Variants in PDSS2 observed in about 807,000 individuals in gnomAD.
PDSS2 encodes the protein decaprenyl diphosphate synthase subunit 2.
In PDSS2, 31 loss-of-function variants were observed where a neutral mutation model predicts 44.5. The observed-to-expected ratio is 0.70, with a 90% CI of 0.52 to 0.94. PDSS2 has a LOEUF of 0.94. PDSS2 is among the 40% of genes least tolerant of loss of function. The pLI, the probability that PDSS2 is intolerant of heterozygous loss-of-function variation, is 0.00. For synonymous variants in PDSS2, 157 were observed against 180.3 expected (o/e 0.87, Z 1.03); for missense variants, 452 against 482.2 (o/e 0.94, Z 0.59).
At chr6:107,265,467 G>A (rs1306984197) in intron 3 of PDSS2, among the ~76,000 whole-genome samples, 1 of 152,180 alleles carries the variant, frequency 6.6e-6, no homozygotes, top group Non-Finnish European at 1.5e-5. Flanking sequence ...AAAGCAGGCT[G>A]TCACTGTGAA....
intron 7 of PDSS2, among the ~76,000 whole-genome samples, chr6:107,162,301 C>G (rs1771162454): frequency 6.6e-6 from 1 of 151,916 alleles, no homozygotes; most frequent in Non-Finnish European, 1.5e-5. Context: ...GTGAGACCAG[C>G]CTGGCCAACA....
chr6:107,224,249 C>CCT (rs913719928), intron 4 of PDSS2, among the ~76,000 whole-genome samples: 5 of 151,376 alleles, frequency 3.3e-5, no homozygotes, highest in African/African-American at 1.2e-4. Context: ...ATTTCTCTCT[C>CCT]CTCTCCCTGC....
intron 3 of PDSS2, among the ~76,000 whole-genome samples, chr6:107,269,364 GTGTGTGT>G (rs1775520610): frequency 6.6e-6 from 1 of 151,678 alleles, no homozygotes; most frequent in African/African-American, 2.4e-5. Flanking sequence ...GTGTGTGTGT[GTGTGTGT>G]GTGTGCAATT....
intron 1 of PDSS2, among the ~76,000 whole-genome samples, chr6:107,414,088 G>T (rs574162808): frequency 2.0e-4 from 30 of 152,246 alleles, no homozygotes; most frequent in Non-Finnish European, 3.4e-4. Context: ...AATACATTAG[G>T]TTTAGTGATA....
chr6:107,162,804 C>G (rs780122090), intron 7 of PDSS2, among the ~76,000 whole-genome samples: 51 of 151,886 alleles, frequency 3.4e-4, no homozygotes, highest in Non-Finnish European at 6.8e-4. Context: ...GGGGTTTCAC[C>G]AGATTGGCCA....
rs575611956 is a variant in PDSS2, at chr6:107,333,342, A to AT, written c.431+855dup. On this transcript the variant is annotated intron_variant, in intron 2 of 7. Coordinates refer to ENST00000369037, the MANE Select transcript of PDSS2 (RefSeq NM_020381.4). Reference sequence around the variant, plus strand: ...ACTGTTACTAAAAATATATCCAGTGATTTTTTTAAACAAAACTGAAAATTT... The same window carrying AT: ...ACTGTTACTAAAAATATATCCAGTGATTTTTTTTAAACAAAACTGAAAATTT... Among the ~76,000 whole-genome samples the AT allele has an allele frequency of 2.5e-3, 374 of 152,284 alleles. 5 individuals are homozygous for AT. Among genetic ancestry groups the AT allele is most frequent in the African/African-American group, 8.3e-3 (345 of 41,546 alleles).
intron 4 of PDSS2, among the ~76,000 whole-genome samples, chr6:107,234,008 CATAAAA>C (rs1301076679): frequency 1.3e-5 from 2 of 151,768 alleles, no homozygotes; most frequent in African/African-American, 2.4e-5. Context: ...CTCTAAAAAA[CATAAAA>C]ATAAAAATAA....
Position 107,459,247 on chromosome 6 carries a change from A to G in PDSS2, c.39T>C (p.Tyr13=), listed in dbSNP as rs1038886828. The change falls in exon 1 of 8, where the codon TAT becomes TAC. Residue 13 remains tyrosine (Y), a synonymous_variant. Transcript: ENST00000369037. This position sits in a 1 kb window ranked among gnomAD's most constrained non-coding sequence, Gnocchi z 4.3. The part of the protein sequence containing the change: ...FRQLLLHLPR[Y]LGASGSPRRL... Reference sequence around the variant, plus strand: ...GACGCGGGGAACCCGAGGCTCCAAGATAACGTGGCAAGTGCAACAGCAGCT... The same window carrying G: ...GACGCGGGGAACCCGAGGCTCCAAGGTAACGTGGCAAGTGCAACAGCAGCT... 8.7e-6 allele frequency: 14 copies of G among 1,614,074 alleles called. No individual in the cohort carries two copies. The African/African-American group carries it at 1.6e-4, about 18-fold the overall frequency.
At chr6:107,290,902 A>G (rs976272265) in intron 2 of PDSS2, among the ~76,000 whole-genome samples, 3 of 152,118 alleles carry the variant, frequency 2.0e-5, no homozygotes. Context: ...TCTCTCCCCA[A>G]AGTCCCAAAG....
At chr6:107,313,553 G>T (rs4945775) in intron 2 of PDSS2, among the ~76,000 whole-genome samples, 1 of 151,738 alleles carries the variant, frequency 6.6e-6, no homozygotes, top group Non-Finnish European at 1.5e-5. Flanking sequence ...GGATTTCACC[G>T]TGTCGGCCAG....
intron 2 of PDSS2, among the ~76,000 whole-genome samples, chr6:107,306,759 C>T (rs1055759729): frequency 2.6e-5 from 4 of 152,024 alleles, no homozygotes. Context: ...CTATAAGGTA[C>T]AAAACAAAGG....
Position 107,448,228 on chromosome 6 carries a change from AT to A in PDSS2, c.296+10761del, listed in dbSNP as rs1781751460. ...CTTGGCAATTAGCATTTGGCTCCTC[AT>A]TACTTATGCAAATTTGTGCAGCCAG... On this transcript the variant is annotated intron_variant, in intron 1 of 7. Coordinates refer to ENST00000369037, the MANE Select transcript of PDSS2 (RefSeq NM_020381.4). Among the ~76,000 whole-genome samples, 3 of 152,198 alleles carry A rather than the reference AT, an allele frequency of 2.0e-5. No homozygotes were observed. The South Asian group carries it at 6.2e-4, about 32-fold the overall frequency.
chr6:107,325,009 G>T (rs940298552), intron 2 of PDSS2, among the ~76,000 whole-genome samples: 1 of 151,950 alleles, frequency 6.6e-6, no homozygotes, highest in African/African-American at 2.4e-5. Flanking sequence ...TACAATATTT[G>T]CAGCTGAGAC....
chr6:107,202,597 C>T (rs890014246), intron 6 of PDSS2, among the ~76,000 whole-genome samples: 4 of 152,066 alleles, frequency 2.6e-5, no homozygotes, highest in Non-Finnish European at 4.4e-5. Flanking sequence ...AGGAACAGGG[C>T]AGGCCTTTTC....
chr6:107,384,379 G>A lies in PDSS2; in HGVS notation c.297-50047C>T, dbSNP rs973784411. Among the ~76,000 whole-genome samples, 10 of 152,206 alleles carry A rather than the reference G, an allele frequency of 6.6e-5. No individual in the cohort carries two copies. The East Asian group carries it at 1.4e-3, about 21-fold the overall frequency. ...AAACTGGCTGGGCGCGGTGGCTCAC[G>A]CCTGTAATCCCAGCACTTTGGGAGG... On this transcript the variant is annotated intron_variant, in intron 1 of 7. Transcript: ENST00000369037.
intron 3 of PDSS2, among the ~76,000 whole-genome samples, chr6:107,253,414 AGT>A (rs1774894206): frequency 6.6e-6 from 1 of 152,186 alleles, no homozygotes; most frequent in Non-Finnish European, 1.5e-5. Context: ...CTTTTTTTGC[AGT>A]GTTTTTAAAT....
intron 3 of PDSS2, among the ~76,000 whole-genome samples, chr6:107,248,146 T>G (rs1774689827): frequency 6.6e-6 from 1 of 152,208 alleles, no homozygotes; most frequent in Non-Finnish European, 1.5e-5. Context: ...CTGACTTTTT[T>G]TTGCATATTA....
chr6:107,447,320 A>C (rs967379313), intron 1 of PDSS2, among the ~76,000 whole-genome samples: 1 of 152,154 alleles, frequency 6.6e-6, no homozygotes, highest in Non-Finnish European at 1.5e-5. Flanking sequence ...TGGGCGACAG[A>C]GTGAGAATCC....
chr6:107,428,095 T>G (rs1781062008), intron 1 of PDSS2, among the ~76,000 whole-genome samples: 1 of 152,232 alleles, frequency 6.6e-6, no homozygotes, highest in Non-Finnish European at 1.5e-5. Context: ...AGTCAAAATT[T>G]TCTGAACTAT....
Sources: gnomAD v4.1 joint callset for allele counts (sites outside exome capture counted in the v4.1 genomes callset) on GRCh38, gnomAD v4.1.1 for gene constraint, Gnocchi (gnomAD v3.1) non-coding constraint, MANE v1.5 for transcripts, NCBI Gene and HGNC (gene_info 2026-07-23, HGNC 2026-07-21) for gene names.